Variants in OR6C74 observed in about 807,000 individuals in gnomAD.
The protein encoded by OR6C74 is olfactory receptor 6C74.
For missense variants in OR6C74, 361 were observed against 362.9 expected, an observed-to-expected ratio of 0.99 and a Z score of 0.04; for synonymous variants, 142 against 134.2, an observed-to-expected ratio of 1.06 and a Z score of -0.40.
In OR6C74 at chr12:55,247,659, C is replaced by G; in HGVS notation, c.372C>G (p.Ile124Met). Reference protein sequence around the residue: ...AAMSYERYVAICKPLHYTTIM... With the variant: ...AAMSYERYVAMCKPLHYTTIM... ...TGTCCTATGAGCGCTATGTGGCCAT[C>G]TGCAAACCCCTGCATTACACCACCA... The change falls in exon 2 of 2, where the codon ATC becomes ATG. Residue 124 changes from isoleucine (I) to methionine (M), a missense_variant. Transcript: ENST00000343399. 6.2e-7 allele frequency: 1 copy of G among 1,613,930 alleles called. No homozygotes were observed. Among genetic ancestry groups the G allele is most frequent in the Non-Finnish European group, 8.5e-7 (1 of 1,179,944 alleles).
Position 55,247,985 on chromosome 12 carries a change from A to G in OR6C74, c.698A>G (p.Lys233Arg). The G allele has an allele frequency of 1.9e-6, 3 of 1,614,044 alleles. 1 individual carries two copies. The highest frequency in any genetic ancestry group is 2.5e-6 in the Non-Finnish European group (3 of 1,179,938). Residue 233 changes from lysine (K) to arginine (R), a missense_variant, in exon 2 of 2, where the codon AAA (lysine) becomes AGA (arginine). Lys to Arg is a conservative substitution (Grantham distance 26). Coordinates refer to ENST00000343399, the MANE Select transcript of OR6C74 (RefSeq NM_001005490.2). ...ILKIPSSQQRKKAFSTCSSHM... is the reference protein window; with the variant it reads ...ILKIPSSQQRRKAFSTCSSHM... ...AAAATACCTTCTTCTCAACAGAGAA[A>G]AAAAGCATTTTCTACATGTTCTTCC...
chr12:55,245,183 G>A (rs2136312773), intron 1 of OR6C74, among the ~76,000 whole-genome samples: 1 of 152,134 alleles, frequency 6.6e-6, no homozygotes, highest in Middle Eastern at 3.4e-3. Flanking sequence ...AACCATTTGA[G>A]AAGTTGTACT....
In OR6C74 at chr12:55,256,266, T is replaced by TG. The variant is rs1015859316; in HGVS notation, c.*8047dup. ...GTGTAGAGCCTATAAATGGACGCAT[T>TG]GGGGGGGCACCTGTTCATATGGATA... On this transcript the variant is annotated 3_prime_UTR_variant, in exon 2 of 2. Coordinates refer to ENST00000343399, the MANE Select transcript of OR6C74 (RefSeq NM_001005490.2). 6.6e-6 allele frequency among the ~76,000 whole-genome samples: 1 copy of TG among 151,412 alleles called. No individual in the cohort carries two copies. Among genetic ancestry groups the TG allele is most frequent in the Admixed American group, 6.6e-5 (1 of 15,192 alleles).
chr12:55,249,928 C>T lies in OR6C74; in HGVS notation c.*1702C>T, dbSNP rs1167240828. ...CTCTCCCCCCACCTCACAGCAGGCC[C>T]CGGTGTGTGATGTTCGCCTTCCTGT... On this transcript the variant is annotated 3_prime_UTR_variant, in exon 2 of 2. Transcript: ENST00000343399. Among the ~76,000 whole-genome samples, 1 of 152,016 alleles carries T rather than the reference C, an allele frequency of 6.6e-6. No homozygotes were observed. Among genetic ancestry groups the T allele is most frequent in the South Asian group, 2.1e-4 (1 of 4,818 alleles).
rs1954269044 is a variant in OR6C74 at position 55,246,162 on chromosome 12, G to A, written c.-9-1117G>A. 2.0e-5 allele frequency among the ~76,000 whole-genome samples: 3 copies of A among 152,234 alleles called. No individual in the cohort carries two copies. In the South Asian group the frequency reaches 6.2e-4, roughly 32 times the overall value. On this transcript the variant is annotated intron_variant, in intron 1 of 1. Transcript: ENST00000343399. ...TGATAAACGTGAGGACCTAAGCATG[G>A]TCTGGAAAAAGATAGAAAAACAAGA...
chr12:55,247,649 A>G lies in OR6C74; in HGVS notation c.362A>G (p.Tyr121Cys), dbSNP rs147667173. 46 of 1,613,904 alleles carry G rather than the reference A, an allele frequency of 2.9e-5. No homozygotes were observed. The Middle Eastern group carries it at 5.0e-4, about 17-fold the overall frequency. Reference protein sequence around the residue: ...FLLAAMSYERYVAICKPLHYT... With the variant: ...FLLAAMSYERCVAICKPLHYT... ...CTGGCTGCCATGTCCTATGAGCGCTATGTGGCCATCTGCAAACCCCTGCAT... is the reference window on the plus strand; with the variant it reads ...CTGGCTGCCATGTCCTATGAGCGCTGTGTGGCCATCTGCAAACCCCTGCAT... Residue 121 changes from tyrosine (Y) to cysteine (C), a missense_variant, in exon 2 of 2, where the codon TAT (tyrosine) becomes TGT (cysteine). By Grantham distance (194) the Tyr-to-Cys change is radical (BLOSUM62 -2). Transcript: ENST00000343399.
rs71457288 is a variant in OR6C74 at position 55,248,389 on chromosome 12, T to C, written c.*163T>C. The C allele has an allele frequency of 3.5e-6, 2 of 571,894 alleles. No homozygotes were observed. The highest frequency in any genetic ancestry group is 3.8e-5 in the African/African-American group (2 of 52,892). The allele number at this position is 571,894 out of a possible 1,614,324, so 35.4% of individuals were successfully genotyped here. A position where few individuals can be genotyped will look rare whatever the true frequency, so the allele number is the denominator to read the frequency against. ...TCCAAAGCCTAACCTTCACTGCCAT[T>C]TCTCCCTCATGCTGAGATCACATAG... On this transcript the variant is annotated 3_prime_UTR_variant, in exon 2 of 2. Transcript: ENST00000343399.
chr12:55,248,051 T>G lies in OR6C74; in HGVS notation c.764T>G (p.Phe255Cys). ...VVSISYGSCI[F>C]MYVKPSAKER... Reference sequence around the variant, plus strand: ...TCCATTTCTTATGGCAGCTGCATCTTCATGTATGTGAAACCCTCAGCAAAA... The same window carrying G: ...TCCATTTCTTATGGCAGCTGCATCTGCATGTATGTGAAACCCTCAGCAAAA... Residue 255 changes from phenylalanine (F) to cysteine (C), a missense_variant, in exon 2 of 2, where the codon TTC becomes TGC. Transcript: ENST00000343399. 1 of 1,614,130 alleles carries G rather than the reference T, an allele frequency of 6.2e-7. No individual in the cohort carries two copies.
rs1013530037 is a variant in OR6C74 at position 55,255,239 on chromosome 12, C to T, written c.*7013C>T. Among the ~76,000 whole-genome samples the T allele has an allele frequency of 2.6e-5, 4 of 152,052 alleles. No individual in the cohort carries two copies. Among genetic ancestry groups the T allele is most frequent in the African/African-American group, 9.7e-5 (4 of 41,416 alleles). ...GATTGTGTCTGCTCTACCCATGGAG[C>T]CCCCTCTGCATTGCACCCCCTGGGG... On this transcript the variant is annotated 3_prime_UTR_variant, in exon 2 of 2. Transcript: ENST00000343399.
rs1252579015 is a variant in OR6C74 at position 55,255,171 on chromosome 12, G to A, written c.*6945G>A. Among the ~76,000 whole-genome samples, 1 of 152,028 alleles carries A rather than the reference G, an allele frequency of 6.6e-6. No homozygotes were observed. Among genetic ancestry groups the A allele is most frequent in the Non-Finnish European group, 1.5e-5 (1 of 68,000 alleles). Reference sequence around the variant, plus strand: ...TTTCTAGCTATCTCTTTAAAATAGTGGGGGTTCCCTAAGTTCAGGATTTCA... The same window carrying A: ...TTTCTAGCTATCTCTTTAAAATAGTAGGGGTTCCCTAAGTTCAGGATTTCA... On this transcript the variant is annotated 3_prime_UTR_variant, in exon 2 of 2. Transcript: ENST00000343399.
At chr12:55,245,469 A>G (rs56793916) in intron 1 of OR6C74, among the ~76,000 whole-genome samples, 37,435 of 151,992 alleles carry the variant, frequency 0.25, 5,175 homozygotes, top group Middle Eastern at 0.38. Context: ...TTATTTAAAC[A>G]TTTCATGTAA....
At position 55,252,628 on chromosome 12, in the gene OR6C74, T is replaced by C. The variant is rs897822668; in HGVS notation, c.*4402T>C. Among the ~76,000 whole-genome samples, 5 of 152,052 alleles carry C rather than the reference T, an allele frequency of 3.3e-5. No individual in the cohort carries two copies. Among genetic ancestry groups the C allele is most frequent in the South Asian group, 2.1e-4 (1 of 4,826 alleles). On this transcript the variant is annotated 3_prime_UTR_variant, in exon 2 of 2. Transcript: ENST00000343399. ...AATTTCAAACAGTCAATTTCCAAAT[T>C]TCTCTTTTAATTCAACTTTCTTTTG...
chr12:55,247,001 T>A (rs150870866), intron 1 of OR6C74, among the ~76,000 whole-genome samples: 1 of 151,932 alleles, frequency 6.6e-6, no homozygotes. Context: ...ATAGTTCTTG[T>A]GTTTGTTTTT....
At position 55,247,879 on chromosome 12, in the gene OR6C74, C is replaced by T; in HGVS notation, c.592C>T (p.Leu198Phe). Residue 198 changes from leucine to phenylalanine, a missense_variant, in exon 2 of 2, where the codon CTT becomes TTT. Physicochemically the swap from Leu to Phe is conservative, Grantham distance 22. Transcript: ENST00000343399. Reference protein sequence around the residue: ...TDTDIIELMMLLSAILTLLVT... With the variant: ...TDTDIIELMMFLSAILTLLVT... ...CACTGACATAATAGAATTAATGATG[C>T]TTCTCTCAGCCATTTTGACGCTCCT... is the stretch of plus-strand genomic sequence containing the variant. 6.2e-7 allele frequency: 1 copy of T among 1,613,760 alleles called. No individual in the cohort carries two copies. Among genetic ancestry groups the T allele is most frequent in the Non-Finnish European group, 8.5e-7 (1 of 1,179,730 alleles).
At position 55,254,496 on chromosome 12, in the gene OR6C74, T is replaced by C. The variant is rs1420101242; in HGVS notation, c.*6270T>C. Among the ~76,000 whole-genome samples, 2 of 152,116 alleles carry C rather than the reference T, an allele frequency of 1.3e-5. No individual in the cohort carries two copies. Among genetic ancestry groups the C allele is most frequent in the Non-Finnish European group, 2.9e-5 (2 of 68,000 alleles). On this transcript the variant is annotated 3_prime_UTR_variant, in exon 2 of 2. Transcript: ENST00000343399. The stretch of plus-strand genomic sequence containing the variant: ...TAACCAATATTGCTGTATAATAAAC[T>C]GCGAGATCAGAGCCTACCTTTGTTT...
chr12:55,245,147 G>A (rs1565646707), intron 1 of OR6C74, among the ~76,000 whole-genome samples: 1 of 151,926 alleles, frequency 6.6e-6, no homozygotes, highest in African/African-American at 2.4e-5. Context: ...TTTTGTTTTT[G>A]TTTTTTACAA....
chr12:55,247,174 C>T (rs1347559317), intron 1 of OR6C74, 105 bp from the exon 2 acceptor site: 7 of 582,776 alleles, frequency 1.2e-5, no homozygotes, highest in Admixed American at 9.4e-5. Context: ...TAAAGGAGGT[C>T]GGGTGTGGGT....
chr12:55,245,901 T>C (rs1351306759), intron 1 of OR6C74, among the ~76,000 whole-genome samples: 1 of 152,004 alleles, frequency 6.6e-6, no homozygotes, highest in Non-Finnish European at 1.5e-5. Flanking sequence ...CAACCAAAAA[T>C]AATGGGAAAG....
rs927661674 is a variant in OR6C74, at chr12:55,253,710, T to C, written c.*5484T>C. The stretch of plus-strand genomic sequence containing the variant: ...TAACCTCTGAAAAATCCATGTTTCA[T>C]TGATTTCACTGTACGATTTTCTTGG... On this transcript the variant is annotated 3_prime_UTR_variant, in exon 2 of 2. Coordinates refer to ENST00000343399, the MANE Select transcript of OR6C74 (RefSeq NM_001005490.2). Among the ~76,000 whole-genome samples the C allele has an allele frequency of 6.6e-6, 1 of 152,112 alleles. No individual in the cohort carries two copies. Among genetic ancestry groups the C allele is most frequent in the African/African-American group, 2.4e-5 (1 of 41,448 alleles).
Sources: allele counts gnomAD v4.1 joint callset (sites outside exome capture counted in the v4.1 genomes callset), GRCh38; gene constraint gnomAD v4.1.1; transcripts MANE v1.5; gene names NCBI Gene and HGNC (gene_info 2026-07-23, HGNC 2026-07-21).